Variants in R3HDM4 observed in about 807,000 individuals in gnomAD.
R3HDM4 encodes the protein R3H domain containing 4, also known as R3H domain-containing protein 4.
A neutral mutation model predicts 31.3 loss-of-function variants in R3HDM4; 30 were observed. That is an observed-to-expected ratio of 0.96 (90% CI 0.72 to 1.30). R3HDM4 has a LOEUF of 1.30. Ranked by LOEUF, R3HDM4 falls within the 50% of genes most tolerant of loss-of-function variation. The probability of loss-of-function intolerance (pLI) is 0.00; values close to 1 mark genes in which losing one functional copy is unlikely to be tolerated. For missense variants in R3HDM4, 444 were observed against 366.1 expected, an observed-to-expected ratio of 1.21 and a Z score of -1.74; for synonymous variants, 196 against 156.6, an observed-to-expected ratio of 1.25 and a Z score of -1.88.
chr19:897,738 A>G (rs765517497), intron 7 of R3HDM4, among the ~76,000 whole-genome samples, 198 bp from the exon 8 acceptor site: 10 of 152,248 alleles, frequency 6.6e-5, no homozygotes, highest in Non-Finnish European at 1.3e-4. Context: ...GGCTCCCTAC[A>G]GGAGCACTCT....
At chr19:905,612 G>C (rs1005059986) in intron 1 of R3HDM4, among the ~76,000 whole-genome samples, 2 of 150,870 alleles carry the variant, frequency 1.3e-5, no homozygotes, top group African/African-American at 4.9e-5. Context: ...TTGAACCTGG[G>C]AGGTGGAGGT....
rs895574397 is a variant in R3HDM4 at position 897,273 on chromosome 19, G to A, written c.*164C>T. 1 of 565,516 alleles carries A rather than the reference G, an allele frequency of 1.8e-6. No individual in the cohort carries two copies. The highest frequency in any genetic ancestry group is 3.6e-5 in the Admixed American group (1 of 28,088). The allele number at this position is 565,516 out of a possible 1,614,324, so 35.0% of individuals were successfully genotyped here. A position where few individuals can be genotyped will look rare whatever the true frequency, so the allele number is the denominator to read the frequency against. On this transcript the variant is annotated 3_prime_UTR_variant, in exon 8 of 8. Coordinates refer to ENST00000361574, the MANE Select transcript of R3HDM4 (RefSeq NM_138774.4). Reference sequence around the variant, plus strand: ...GCAGCCCCAGCCGCCAGCGTCTGTTGACTGCCAAGAGCTGCGTGAGGAGGG... The same window carrying A: ...GCAGCCCCAGCCGCCAGCGTCTGTTAACTGCCAAGAGCTGCGTGAGGAGGG...
At chr19:902,248 G>A (rs531388090) in intron 1 of R3HDM4, 118 bp from the exon 2 acceptor site, 87 of 1,049,346 alleles carry the variant, frequency 8.3e-5, no homozygotes, top group Non-Finnish European at 1.1e-4. Flanking sequence ...TCACCCCTAC[G>A]GTGTGTGAAG....
chr19:909,851 T>C (rs1173540574), intron 1 of R3HDM4, among the ~76,000 whole-genome samples: 3 of 152,060 alleles, frequency 2.0e-5, no homozygotes, highest in African/African-American at 7.2e-5. Context: ...GAGCCCATTT[T>C]GAGGGTAAAT....
intron 1 of R3HDM4, among the ~76,000 whole-genome samples, chr19:906,909 T>C (rs2145298729): frequency 6.6e-6 from 1 of 152,122 alleles, no homozygotes; most frequent in African/African-American, 2.4e-5. Flanking sequence ...TCCACCTCCC[T>C]GGCTCAACCG....
At chr19:908,157 A>T (rs1346299421) in intron 1 of R3HDM4, among the ~76,000 whole-genome samples, 3 of 151,774 alleles carry the variant, frequency 2.0e-5, no homozygotes, top group African/African-American at 7.3e-5. Context: ...GCACCACTGC[A>T]CTCCAGCCTG....
At chr19:898,658 C>A (rs754942634) in intron 7 of R3HDM4, among the ~76,000 whole-genome samples, 1 of 152,064 alleles carries the variant, frequency 6.6e-6, no homozygotes, top group Non-Finnish European at 1.5e-5. Context: ...GTGAGCTCCG[C>A]GCCTCAGCAG....
chr19:913,168 C>T lies in R3HDM4; in HGVS notation c.-11G>A. The T allele has an allele frequency of 9.4e-6, 10 of 1,066,106 alleles. No homozygotes were observed. The highest frequency in any genetic ancestry group is 1.1e-5 in the Non-Finnish European group (10 of 884,510). 66.0% of individuals were successfully genotyped at this position (1,066,106 alleles called of 1,614,324 possible). On this transcript the variant is annotated 5_prime_UTR_variant, in exon 1 of 8. Coordinates refer to ENST00000361574, the MANE Select transcript of R3HDM4 (RefSeq NM_138774.4). The surrounding 1 kb of genome is among the most constrained non-coding windows in gnomAD (Gnocchi z 5.0). ...CTCCAGCGCGACCATGGCTCGCACG[C>T]TGTCGCCGCCGCCGCCGCCCGGCAG...
chr19:910,710 G>A (rs1396818628), intron 1 of R3HDM4, among the ~76,000 whole-genome samples: 3 of 152,098 alleles, frequency 2.0e-5, no homozygotes, highest in South Asian at 2.1e-4. Flanking sequence ...AATCAAAGAC[G>A]CATCCTTTCT....
chr19:903,918 G>C (rs2965297), intron 1 of R3HDM4, among the ~76,000 whole-genome samples: 4,406 of 152,234 alleles, frequency 0.029, 222 homozygotes, highest in African/African-American at 0.099. Flanking sequence ...GGGCGTGGTG[G>C]TGGGCACCTG....
rs1187197496 is a variant in R3HDM4, at chr19:897,188, C to G, written c.*249G>C. On this transcript the variant is annotated 3_prime_UTR_variant, in exon 8 of 8. Transcript: ENST00000361574. ...TGAAGAAACAGGAACATGCCCAGGTCAGGTCTCCCCACCCAAACACAAGTC... is the reference window on the plus strand; with the variant it reads ...TGAAGAAACAGGAACATGCCCAGGTGAGGTCTCCCCACCCAAACACAAGTC... 2.2e-6 allele frequency: 1 copy of G among 454,196 alleles called. No homozygotes were observed. 28.1% of individuals were successfully genotyped at this position (454,196 alleles called of 1,614,324 possible). A position where few individuals can be genotyped will look rare whatever the true frequency, so the allele number is the denominator to read the frequency against.
chr19:898,421 A>T (rs1568339022), intron 7 of R3HDM4, among the ~76,000 whole-genome samples: 7 of 135,490 alleles, frequency 5.2e-5, no homozygotes, highest in Non-Finnish European at 1.6e-5. Flanking sequence ...AAAAAAAAAA[A>T]AGAAACCCGT....
chr19:904,480 C>T (rs578087931), intron 1 of R3HDM4, among the ~76,000 whole-genome samples: 2 of 152,284 alleles, frequency 1.3e-5, no homozygotes, highest in Non-Finnish European at 2.9e-5. Context: ...CCCACTCCAC[C>T]CCTGCAACCC....
chr19:903,937 G>C (rs916233187), intron 1 of R3HDM4, among the ~76,000 whole-genome samples: 6 of 152,072 alleles, frequency 3.9e-5, no homozygotes, highest in African/African-American at 1.2e-4. Flanking sequence ...TGTAATCCCA[G>C]CTACTCGGGA....
At chr19:911,919 C>T (rs2036975783) in intron 1 of R3HDM4, among the ~76,000 whole-genome samples, 1 of 149,476 alleles carries the variant, frequency 6.7e-6, no homozygotes, top group South Asian at 2.1e-4. Flanking sequence ...GCGGACAAGC[C>T]CAGAGGGCGA....
Position 899,818 on chromosome 19 carries a change from A to T in R3HDM4, c.562-132T>A, listed in dbSNP as rs1358169450. Reference sequence around the variant, plus strand: ...CTGACCCACCACGTGAGGCTGCTTAAGTGTCTCTGAGGCCACCATGCCACC... The same window carrying T: ...CTGACCCACCACGTGAGGCTGCTTATGTGTCTCTGAGGCCACCATGCCACC... On this transcript the variant is annotated intron_variant, in intron 5 of 7. Transcript: ENST00000361574. The surrounding 1 kb of genome is among the most constrained non-coding windows in gnomAD (Gnocchi z 6.8). 5.0e-6 allele frequency: 4 copies of T among 792,330 alleles called. No homozygotes were observed. Among genetic ancestry groups the T allele is most frequent in the African/African-American group, 3.5e-5 (2 of 57,090 alleles). 49.1% of individuals were successfully genotyped at this position (792,330 alleles called of 1,614,324 possible).
rs1044290 is a variant in R3HDM4, at chr19:896,712, G to A, written c.*725C>T. 6.5e-6 allele frequency: 1 copy of A among 152,816 alleles called. No homozygotes were observed. The allele number at this position is 152,816 out of a possible 1,614,324, so 9.5% of individuals were successfully genotyped here. Reference sequence around the variant, plus strand: ...TGACAGACAAGGTAGTGCAAGGGCAGAGGCTTCTGGCTGGAAGTCCTGGAC... The same window carrying A: ...TGACAGACAAGGTAGTGCAAGGGCAAAGGCTTCTGGCTGGAAGTCCTGGAC... On this transcript the variant is annotated 3_prime_UTR_variant, in exon 8 of 8. Coordinates refer to ENST00000361574, the MANE Select transcript of R3HDM4 (RefSeq NM_138774.4). The surrounding 1 kb of genome is among the most constrained non-coding windows in gnomAD (Gnocchi z 4.0).
Position 900,867 on chromosome 19 carries a change from C to G in R3HDM4, c.437G>C (p.Arg146Pro), listed in dbSNP as rs777551697. The change falls in exon 4 of 8, where the codon CGG becomes CCG. Residue 146 changes from arginine to proline, a missense_variant. Coordinates refer to ENST00000361574, the MANE Select transcript of R3HDM4 (RefSeq NM_138774.4). ...CTCCCCACGGCCAGGGCCCCTCCTCCGCGCCTTGCTCCTGCCCTCATCCTC... is the reference window on the plus strand; with the variant it reads ...CTCCCCACGGCCAGGGCCCCTCCTCGGCGCCTTGCTCCTGCCCTCATCCTC... Reference protein sequence around the residue: ...YLEDEGRSKARRRGPGRGEDR... With the variant: ...YLEDEGRSKAPRRGPGRGEDR... 3.9e-6 allele frequency: 6 copies of G among 1,558,306 alleles called. No individual in the cohort carries two copies. In the African/African-American group the frequency reaches 8.2e-5, roughly 21 times the overall value.
chr19:908,436 C>T (rs1042575286), intron 1 of R3HDM4, among the ~76,000 whole-genome samples: 18 of 151,628 alleles, frequency 1.2e-4, no homozygotes, highest in African/African-American at 4.4e-4. Flanking sequence ...GTGAAACTCC[C>T]GTCTCTACTA....
Sources: gnomAD v4.1 joint callset for allele counts (sites outside exome capture counted in the v4.1 genomes callset) on GRCh38, gnomAD v4.1.1 for gene constraint, Gnocchi (gnomAD v3.1) non-coding constraint, MANE v1.5 for transcripts, NCBI Gene and HGNC (gene_info 2026-07-23, HGNC 2026-07-21) for gene names.